Variants in UTP18 observed in about 807,000 individuals in gnomAD.
UTP18 encodes U3 small nucleolar RNA-associated protein 18 homolog.
In UTP18, 36 loss-of-function variants were observed where a neutral mutation model predicts 61.1. That is an observed-to-expected ratio of 0.59 (90% CI 0.45 to 0.78). The LOEUF is 0.78. Among genes scored for constraint, UTP18 ranks in the 30% least tolerant of loss-of-function variants. The pLI is 0.00. For synonymous variants in UTP18, 282 were observed against 251.1 expected (o/e 1.12, Z -1.16); for missense variants, 753 against 693.9 (o/e 1.09, Z -0.96).
At chr17:51,261,063 C>T (rs981831016) in intron 1 of UTP18, 137 bp downstream of exon 1, 2 of 745,854 alleles carry the variant, frequency 2.7e-6, no homozygotes, top group African/African-American at 1.9e-5. Context: ...AGAACGCGGG[C>T]GCGGAGGGTC....
At chr17:51,272,444 A>C (rs554993416) in intron 4 of UTP18, among the ~76,000 whole-genome samples, 1 of 152,300 alleles carries the variant, frequency 6.6e-6, no homozygotes, top group South Asian at 2.1e-4. Context: ...TCCGTTGTTT[A>C]GATCCCTGTG....
chr17:51,273,863 A>C (rs1317304456), intron 5 of UTP18, among the ~76,000 whole-genome samples: 1 of 152,124 alleles, frequency 6.6e-6, no homozygotes, highest in Non-Finnish European at 1.5e-5. Flanking sequence ...CTTATCTGGC[A>C]TATTGCAGTA....
chr17:51,285,851 C>T (rs1300587479), intron 10 of UTP18, among the ~76,000 whole-genome samples: 2 of 152,114 alleles, frequency 1.3e-5, no homozygotes, highest in East Asian at 1.9e-4. Context: ...GAACATACGC[C>T]CTGCCAGATA....
At chr17:51,273,186 T>A (rs200776581) in intron 4 of UTP18, among the ~76,000 whole-genome samples, 176 bp from the exon 5 acceptor site, 61 of 12,098 alleles carry the variant, frequency 5.0e-3, no homozygotes, top group Non-Finnish European at 0.011. Flanking sequence ...TCCTTTAAAA[T>A]TTTTTTTTTT....
chr17:51,295,084 A>G (rs947062019), intron 12 of UTP18, among the ~76,000 whole-genome samples: 3 of 152,070 alleles, frequency 2.0e-5, no homozygotes, highest in Non-Finnish European at 2.9e-5. Flanking sequence ...AGTTCATTGT[A>G]GATTGTGGAT....
chr17:51,293,569 ATTC>A (rs1393570109), intron 11 of UTP18, among the ~76,000 whole-genome samples: 1 of 151,796 alleles, frequency 6.6e-6, no homozygotes, highest in Admixed American at 6.6e-5. Context: ...GCCCAAGACA[ATTC>A]TTCTTCCGTT....
Position 51,260,854 on chromosome 17 carries a change from C to T in UTP18, c.270C>T (p.Cys90=). 1.2e-6 allele frequency: 2 copies of T among 1,601,264 alleles called. No homozygotes were observed. The highest frequency in any genetic ancestry group is 2.3e-5 in the East Asian group (1 of 44,174). The change falls in exon 1 of 14, where the codon TGC becomes TGT. Residue 90 remains cysteine (C), a synonymous_variant. Coordinates refer to ENST00000225298, the MANE Select transcript of UTP18 (RefSeq NM_016001.3). ...LEEDKPAVER[C]LEELVFGDVE... is the part of the protein sequence containing the mutation. ...AGGACAAACCGGCCGTGGAGCGGTG[C>T]TTGGAGGAGCTGGTCTTCGGCGACG...
chr17:51,261,751 T>TA (rs1177155132), intron 1 of UTP18, among the ~76,000 whole-genome samples: 1 of 151,878 alleles, frequency 6.6e-6, no homozygotes, highest in Non-Finnish European at 1.5e-5. Flanking sequence ...AAATTTTAGA[T>TA]AAAGGGGGCA....
intron 3 of UTP18, among the ~76,000 whole-genome samples, chr17:51,267,243 G>A (rs78632165): frequency 1.3e-5 from 2 of 152,180 alleles, no homozygotes; most frequent in Admixed American, 6.5e-5. Flanking sequence ...GAATACAGAG[G>A]TGAGCCACTG....
chr17:51,290,631 A>G lies in UTP18; in HGVS notation c.1503+2428A>G, dbSNP rs1394247939. On this transcript the variant is annotated intron_variant, in intron 11 of 13. Coordinates refer to ENST00000225298, the MANE Select transcript of UTP18 (RefSeq NM_016001.3). Reference sequence around the variant, plus strand: ...TGGTAGTAAATTGTTTTAGAAAACCATGGGATCTATCTCCTGTTGACATAA... The same window carrying G: ...TGGTAGTAAATTGTTTTAGAAAACCGTGGGATCTATCTCCTGTTGACATAA... 2.0e-5 allele frequency among the ~76,000 whole-genome samples: 3 copies of G among 152,230 alleles called. No homozygotes were observed. The South Asian group carries it at 6.2e-4, about 31-fold the overall frequency.
intron 11 of UTP18, chr17:51,288,634 T>C (rs1905172315): frequency 2.2e-6 from 1 of 456,036 alleles, no homozygotes; most frequent in Admixed American, 2.4e-5. Context: ...AGTATTGTAA[T>C]TTAAATAGCT....
At chr17:51,294,763 C>T (rs1166095945) in intron 12 of UTP18, among the ~76,000 whole-genome samples, 2 of 151,934 alleles carry the variant, frequency 1.3e-5, no homozygotes, top group African/African-American at 2.4e-5. Flanking sequence ...TTCTAGATCC[C>T]TGAGGAATCG....
chr17:51,287,059 C>G (rs1480575983), intron 10 of UTP18, among the ~76,000 whole-genome samples: 1 of 148,292 alleles, frequency 6.7e-6, no homozygotes, highest in Non-Finnish European at 1.5e-5. Flanking sequence ...CTGCATTTGC[C>G]TCTATATGGG....
chr17:51,285,172 G>A (rs1015663507), intron 9 of UTP18, 73 bp from the exon 10 acceptor site: 33 of 1,566,706 alleles, frequency 2.1e-5, no homozygotes, highest in African/African-American at 1.9e-4. Context: ...AAGAGGGACT[G>A]AGAGTGGCCA....
chr17:51,294,688 C>T (rs2144449338), intron 12 of UTP18, among the ~76,000 whole-genome samples: 1 of 152,202 alleles, frequency 6.6e-6, no homozygotes, highest in East Asian at 1.9e-4. Context: ...TTTATAGCAG[C>T]ATGATTTATA....
chr17:51,268,007 G>C (rs373145760), intron 3 of UTP18, among the ~76,000 whole-genome samples: 1 of 130,580 alleles, frequency 7.7e-6, no homozygotes, highest in Non-Finnish European at 1.6e-5. Context: ...TTTGTTTTTT[G>C]TTTTTTGTTT....
At chr17:51,285,452 T>G in intron 10 of UTP18, 84 bp downstream of exon 10, 1 of 1,489,602 alleles carries the variant, frequency 6.7e-7, no homozygotes, top group Admixed American at 2.0e-5. Flanking sequence ...AGGTGGTGCA[T>G]GAGTAGTTCT....
chr17:51,276,249 T>C (rs1904717544), intron 6 of UTP18, among the ~76,000 whole-genome samples: 1 of 152,196 alleles, frequency 6.6e-6, no homozygotes, highest in Admixed American at 6.5e-5. Context: ...TGCTCACCCC[T>C]TGCCTGTTCA....
At chr17:51,269,775 T>TG (rs1904450102) in intron 4 of UTP18, among the ~76,000 whole-genome samples, 1 of 152,192 alleles carries the variant, frequency 6.6e-6, no homozygotes, top group Non-Finnish European at 1.5e-5. Context: ...TGATGTGGCC[T>TG]GACTTTATCC....
Sources: allele counts gnomAD v4.1 joint callset (sites outside exome capture counted in the v4.1 genomes callset), GRCh38; gene constraint gnomAD v4.1.1; transcripts MANE v1.5; gene names NCBI Gene and HGNC (gene_info 2026-07-23, HGNC 2026-07-21).